AK9: variants seen among roughly 807,000 people sequenced by gnomAD.
AK9 encodes the protein adenylate kinase domain containing 1.
Under a neutral mutation model 239.6 loss-of-function variants are expected in AK9, and 191 were observed. The ratio of observed to expected loss-of-function variants is 0.80; its 90% CI spans 0.71 to 0.90. The LOEUF (loss-of-function observed/expected upper bound fraction) is 0.90. Ranked by LOEUF, AK9 falls within the 40% of genes least tolerant of loss-of-function variation. AK9 has a pLI of 0.00. For missense variants in AK9, 1,995 were observed against 2,214.7 expected, an observed-to-expected ratio of 0.90 and a Z score of 1.99; for synonymous variants, 689 against 721.0, an observed-to-expected ratio of 0.96 and a Z score of 0.71.
intron 21 of AK9, among the ~76,000 whole-genome samples, chr6:109,573,164 C>T (rs1787639044): frequency 6.6e-6 from 1 of 152,150 alleles, no homozygotes; most frequent in South Asian, 2.1e-4. Context: ...TTATATTTTA[C>T]TACCTTTAAT....
rs749469065 is a variant in AK9, at chr6:109,659,297, C to A, written c.561G>T (p.Lys187Asn). 14 of 1,605,594 alleles carry A rather than the reference C, an allele frequency of 8.7e-6. No homozygotes were observed. The highest frequency in any genetic ancestry group is 1.1e-5 in the Non-Finnish European group (13 of 1,177,718). ...DPEVIENHRK[K>N]KKEAQKDGKG... ...TTCCGTCCTTTTGGGCTTCTTTCTT[C>A]TTTTTCCTATGATTCTCAATGACTT... Residue 187 changes from lysine to asparagine, a missense_variant, in exon 7 of 41, where the codon AAG (lysine) becomes AAT (asparagine). Lys to Asn is a moderately conservative substitution (Grantham distance 94). This residue lies in a region of AK9 where 252 missense variants were observed against 246.4 expected (regional missense o/e 1.02). Transcript: ENST00000424296.
rs13218503 is a variant in AK9 at position 109,668,880 on chromosome 6, A to G, written c.331+3039T>C. 7.0e-3 allele frequency among the ~76,000 whole-genome samples: 609 copies of G among 87,248 alleles called. 29 individuals carry two copies. The highest frequency in any genetic ancestry group is 0.018 in the African/African-American group (556 of 31,030). The allele number at this position is 87,248 out of a possible 152,430, so 57.2% of individuals were successfully genotyped here. On this transcript the variant is annotated intron_variant, in intron 5 of 40. Transcript: ENST00000424296. ...GGCTTAGGATTGCCTTGGCGATGCCAGCTCTTTTTTGGTTCCATATGAACT... is the reference window on the plus strand; with the variant it reads ...GGCTTAGGATTGCCTTGGCGATGCCGGCTCTTTTTTGGTTCCATATGAACT...
intron 12 of AK9, among the ~76,000 whole-genome samples, chr6:109,625,964 A>G (rs948806899): frequency 6.6e-6 from 1 of 151,518 alleles, no homozygotes; most frequent in African/African-American, 2.4e-5. Context: ...CTGGGACTCC[A>G]CTTACTCACA....
At chr6:109,545,740 C>T (rs1783467573) in intron 26 of AK9, 127 bp downstream of exon 26, 1 of 1,207,532 alleles carries the variant, frequency 8.3e-7, no homozygotes, top group Non-Finnish European at 1.1e-6. Context: ...GAAGTTGAGG[C>T]TTTGGTGAGC....
intron 17 of AK9, among the ~76,000 whole-genome samples, chr6:109,597,465 G>A: frequency 6.6e-6 from 1 of 152,106 alleles, no homozygotes; most frequent in Middle Eastern, 3.2e-3. Context: ...GAGGTCAGGA[G>A]ATCGAGACCA....
chr6:109,493,384 G>T lies in AK9; in HGVS notation c.5721C>A (p.Asp1907Glu), dbSNP rs1448325154. 1.2e-6 allele frequency: 2 copies of T among 1,613,594 alleles called. No homozygotes were observed. Among genetic ancestry groups the T allele is most frequent in the Non-Finnish European group, 1.7e-6 (2 of 1,179,718 alleles). Residue 1907 changes from aspartate to glutamate, a missense_variant, in exon 41 of 41, where the codon GAC becomes GAA. This residue lies in a region of AK9 where 391 missense variants were observed against 456.0 expected (regional missense o/e 0.86). Coordinates refer to ENST00000424296, the MANE Select transcript of AK9 (RefSeq NM_001145128.3). ...CCTAAGTAAACTACCCATTAATTGG[G>T]TCTATATTTCTGAGAGAGAGAAAGG... ...LKTFLSLRNI[D>E]PING is the part of the protein sequence containing the mutation.
intron 31 of AK9, among the ~76,000 whole-genome samples, chr6:109,515,478 C>G (rs1396568505): frequency 6.6e-6 from 1 of 152,100 alleles, no homozygotes. Flanking sequence ...CTGAACTTGA[C>G]AGAGTAGGTG....
rs954445599 is a variant in AK9 at position 109,598,230 on chromosome 6, C to G, written c.1842+12135G>C. ...TAATGCTATCCCTCCCCCCTCCCCC[C>G]ACCCCACAACAGTCCCCGGTGTGTG... On this transcript the variant is annotated intron_variant, in intron 17 of 40. Coordinates refer to ENST00000424296, the MANE Select transcript of AK9 (RefSeq NM_001145128.3). Among the ~76,000 whole-genome samples the G allele has an allele frequency of 3.5e-5, 5 of 144,366 alleles. No homozygotes were observed. The East Asian group carries it at 1.0e-3, about 30-fold the overall frequency. 94.7% of individuals were successfully genotyped at this position (144,366 alleles called of 152,430 possible). A position where few individuals can be genotyped will look rare whatever the true frequency, so the allele number is the denominator to read the frequency against.
At chr6:109,533,559 G>C (rs1474033731) in intron 27 of AK9, 89 bp from the exon 28 acceptor site, 2 of 1,051,942 alleles carry the variant, frequency 1.9e-6, no homozygotes, top group African/African-American at 3.3e-5. Flanking sequence ...CATTATACAA[G>C]GTATATTAAG....
At chr6:109,615,526 A>ATT (rs1429896710) in intron 13 of AK9, among the ~76,000 whole-genome samples, 1 of 152,168 alleles carries the variant, frequency 6.6e-6, no homozygotes, top group Non-Finnish European at 1.5e-5. Context: ...TTTAATTTTA[A>ATT]TTTTGAAGGT....
intron 7 of AK9, 128 bp downstream of exon 7, chr6:109,659,100 C>A: frequency 7.9e-7 from 1 of 1,267,566 alleles, no homozygotes; most frequent in Non-Finnish European, 1.0e-6. Context: ...CTTATTTCCT[C>A]CAAACTCAAT....
intron 19 of AK9, among the ~76,000 whole-genome samples, chr6:109,582,843 T>C (rs1168998750): frequency 6.6e-6 from 1 of 152,144 alleles, no homozygotes; most frequent in Non-Finnish European, 1.5e-5. Context: ...AACTTCATCA[T>C]TGTCCTAGTT....
At chr6:109,551,306 G>A (rs539052606) in intron 24 of AK9, among the ~76,000 whole-genome samples, 2 of 152,010 alleles carry the variant, frequency 1.3e-5, no homozygotes, top group Non-Finnish European at 2.9e-5. Context: ...ATCACATGAG[G>A]TCAGGAGTTT....
intron 5 of AK9, among the ~76,000 whole-genome samples, chr6:109,668,963 T>C (rs1399334889): frequency 6.8e-5 from 9 of 131,882 alleles, no homozygotes; most frequent in South Asian, 3.3e-4. Context: ...GGGGATGGCA[T>C]TGAATCTATA....
chr6:109,669,438 G>A (rs1416441939), intron 5 of AK9, among the ~76,000 whole-genome samples: 1 of 152,018 alleles, frequency 6.6e-6, no homozygotes, highest in Non-Finnish European at 1.5e-5. Flanking sequence ...GAATAGGAGT[G>A]GTGAGAGAGG....
At chr6:109,634,189 T>C (rs1486856790) in intron 10 of AK9, among the ~76,000 whole-genome samples, 2 of 152,142 alleles carry the variant, frequency 1.3e-5, no homozygotes, top group Admixed American at 6.5e-5. Flanking sequence ...TGTCCTTATC[T>C]CAGGAGTGGG....
At chr6:109,509,588 GCT>G (rs1778472649) in intron 32 of AK9, among the ~76,000 whole-genome samples, 1 of 152,026 alleles carries the variant, frequency 6.6e-6, no homozygotes. Context: ...CAGGCCTCCT[GCT>G]CTATGGAGCA....
chr6:109,583,946 A>C (rs1789166858), intron 19 of AK9, among the ~76,000 whole-genome samples: 1 of 152,136 alleles, frequency 6.6e-6, no homozygotes, highest in African/African-American at 2.4e-5. Context: ...TTATCAACAG[A>C]TTATAGCTGA....
At chr6:109,536,944 G>T (rs984408482) in intron 27 of AK9, among the ~76,000 whole-genome samples, 8 of 152,100 alleles carry the variant, frequency 5.3e-5, no homozygotes, top group African/African-American at 1.9e-4. Context: ...TTGCATCCTA[G>T]GGATGAAGCC....
Sources: allele counts gnomAD v4.1 joint callset (sites outside exome capture counted in the v4.1 genomes callset), GRCh38; gene constraint gnomAD v4.1.1; regional missense constraint gnomAD v4.1.1; transcripts MANE v1.5; gene names NCBI Gene and HGNC (gene_info 2026-07-23, HGNC 2026-07-21).